The following CASP2 variants were observed in gnomAD, a reference collection of about 807,000 sequenced individuals.
The protein encoded by CASP2 is caspase 2.
A neutral mutation model predicts 54.4 loss-of-function variants in CASP2; 38 were observed. That is an observed-to-expected ratio of 0.70 (90% CI 0.54 to 0.92). CASP2 has a LOEUF of 0.92. Among genes scored for constraint, CASP2 ranks in the 40% least tolerant of loss-of-function variants. CASP2 has a pLI of 0.00. For synonymous variants in CASP2, 215 were observed against 216.3 expected (o/e 0.99, Z 0.05); for missense variants, 512 against 579.6 (o/e 0.88, Z 1.20).
chr7:143,291,441 G>A (rs1470529401), intron 1 of CASP2, 99 bp from the exon 2 acceptor site: 4 of 1,187,570 alleles, frequency 3.4e-6, no homozygotes, highest in Admixed American at 1.7e-5. Context: ...GTTATTGTAA[G>A]TCTTATTCTT....
intron 4 of CASP2, among the ~76,000 whole-genome samples, chr7:143,293,475 C>A (rs189490832): frequency 1.3e-5 from 2 of 151,148 alleles, no homozygotes; most frequent in East Asian, 3.9e-4. Flanking sequence ...TTGTTAAGGG[C>A]TAGTAGGACA....
At position 143,294,600 on chromosome 7, in the gene CASP2, T is replaced by C. The variant is rs775389352; in HGVS notation, c.574T>C (p.Tyr192His). Residue 192 changes from tyrosine to histidine, a missense_variant, in exon 6 of 11, where the codon TAT becomes CAT. Physicochemically the swap from Tyr to His is moderately conservative, Grantham distance 83. Around this residue, in one of 3 missense-constraint regions of CASP2, gnomAD observed 417 missense variants for 495.4 expected, o/e 0.84. Coordinates refer to ENST00000310447, the MANE Select transcript of CASP2 (RefSeq NM_032982.4). ...EFYQTHFQLA[Y>H]RLQSRPRGLA... ...CTAACTGGCCTCTCCTCCACAGGCA[T>C]ATAGGTTGCAGTCTCGGCCTCGTGG... 2.5e-6 allele frequency: 4 copies of C among 1,613,948 alleles called. No homozygotes were observed. In the Admixed American group the frequency reaches 6.7e-5, roughly 27 times the overall value.
intron 8 of CASP2, chr7:143,302,175 A>G (rs1469968417): frequency 1.3e-5 from 2 of 152,194 alleles, no homozygotes; most frequent in Non-Finnish European, 1.5e-5. Flanking sequence ...CTGTGATATA[A>G]AGGTGAGAGA....
intron 6 of CASP2, among the ~76,000 whole-genome samples, chr7:143,295,463 T>C (rs1329677052): frequency 2.0e-5 from 3 of 152,250 alleles, no homozygotes; most frequent in Admixed American, 1.3e-4. Context: ...CACAACTGAC[T>C]TTGTGACCTT....
intron 6 of CASP2, among the ~76,000 whole-genome samples, chr7:143,296,079 T>A (rs1045511450): frequency 2.6e-5 from 4 of 152,202 alleles, no homozygotes; most frequent in African/African-American, 4.8e-5. Context: ...TAAAGGATCT[T>A]ACATGTCTAA....
chr7:143,293,135 G>C, intron 4 of CASP2: 1 of 582,664 alleles, frequency 1.7e-6, no homozygotes, highest in South Asian at 2.1e-5. Flanking sequence ...TTTTTGTTGT[G>C]TTTTTTTTCA....
intron 6 of CASP2, among the ~76,000 whole-genome samples, chr7:143,299,074 C>G (rs930007122): frequency 6.6e-6 from 1 of 151,998 alleles, no homozygotes; most frequent in Non-Finnish European, 1.5e-5. Context: ...ATCCCTCCAC[C>G]GTAGCCTTTA....
Position 143,307,276 on chromosome 7 carries a change from G to C in CASP2, c.*2205G>C, listed in dbSNP as rs1802091045. 6.6e-6 allele frequency: 1 copy of C among 152,204 alleles called. No homozygotes were observed. Among genetic ancestry groups the C allele is most frequent in the Non-Finnish European group, 1.5e-5 (1 of 68,034 alleles). The allele number at this position is 152,204 out of a possible 1,614,324, so 9.4% of individuals were successfully genotyped here. On this transcript the variant is annotated 3_prime_UTR_variant, in exon 11 of 11. Coordinates refer to ENST00000310447, the MANE Select transcript of CASP2 (RefSeq NM_032982.4). ...TTCACCATCATGTACCAAGTGCTTG[G>C]CACATAGTGGGCCTTCATTAAATGT...
intron 6 of CASP2, among the ~76,000 whole-genome samples, chr7:143,296,698 A>T (rs1801762924): frequency 6.6e-6 from 1 of 151,832 alleles, no homozygotes. Context: ...CAACTCGTTT[A>T]TCATATAGCT....
intron 8 of CASP2, chr7:143,302,500 C>G (rs148778663): frequency 6.6e-6 from 1 of 152,182 alleles, no homozygotes; most frequent in African/African-American, 2.4e-5. Context: ...CCCCAGTCAG[C>G]TTCTAAACTG....
At chr7:143,294,805 T>C (rs1801694152) in intron 6 of CASP2, 32 bp downstream of exon 6, 1 of 1,577,314 alleles carries the variant, frequency 6.3e-7, no homozygotes, top group Non-Finnish European at 8.7e-7. Flanking sequence ...GACATGTAAA[T>C]TAGAGGACTG....
intron 8 of CASP2, chr7:143,300,728 G>A (rs1434000571): frequency 4.2e-6 from 5 of 1,191,344 alleles, no homozygotes; most frequent in Non-Finnish European, 4.2e-6. Context: ...ATACTTCCCT[G>A]TTTACCTACA....
chr7:143,304,812 G>A (rs1802019667), intron 10 of CASP2, 29 bp downstream of exon 10: 1 of 1,606,464 alleles, frequency 6.2e-7, no homozygotes. Flanking sequence ...TGACCCCTGT[G>A]TGTCTCCACA....
chr7:143,302,026 G>A (rs966497719), intron 8 of CASP2: 3 of 152,244 alleles, frequency 2.0e-5, no homozygotes, highest in Non-Finnish European at 4.4e-5. Context: ...CCAGGGCACT[G>A]CCTGATGCAT....
chr7:143,294,034 G>A (rs1447027251), intron 4 of CASP2, among the ~76,000 whole-genome samples, 196 bp from the exon 5 acceptor site: 1 of 152,212 alleles, frequency 6.6e-6, no homozygotes, highest in Non-Finnish European at 1.5e-5. Flanking sequence ...TATGCTTCAT[G>A]CAGGCTATGT....
chr7:143,296,415 T>G (rs188046285), intron 6 of CASP2, among the ~76,000 whole-genome samples: 26 of 152,104 alleles, frequency 1.7e-4, no homozygotes, highest in Admixed American at 1.5e-3. Context: ...CAAACAAGAT[T>G]AGAGAAAAAA....
chr7:143,290,468 C>T (rs1160096395), intron 1 of CASP2: 1 of 152,184 alleles, frequency 6.6e-6, no homozygotes, highest in Non-Finnish European at 1.5e-5. Context: ...GCCACCCTTC[C>T]TGCTGTTACA....
At chr7:143,303,624 T>G in intron 8 of CASP2, 160 bp from the exon 9 acceptor site, 2 of 509,156 alleles carry the variant, frequency 3.9e-6, no homozygotes, top group Non-Finnish European at 3.5e-6. Context: ...AGTAATAATT[T>G]TTTTTTTTTT....
In CASP2 at chr7:143,305,056, A is replaced by C; in HGVS notation, c.1344A>C (p.Gly448=). 1 of 1,614,188 alleles carries C rather than the reference A, an allele frequency of 6.2e-7. No homozygotes were observed. The highest frequency in any genetic ancestry group is 8.5e-7 in the Non-Finnish European group (1 of 1,180,020). Residue 448 remains glycine, a synonymous_variant, in exon 11 of 11, where the codon GGA becomes GGC. Coordinates refer to ENST00000310447, the MANE Select transcript of CASP2 (RefSeq NM_032982.4). The part of the protein sequence containing the change: ...TLCRHLYLFP[G]HPPT ...GCCGCCACCTCTACCTGTTCCCAGG[A>C]CACCCTCCCACATGATGTCACCTCC...
Sources: allele counts gnomAD v4.1 joint callset (sites outside exome capture counted in the v4.1 genomes callset), GRCh38; gene constraint gnomAD v4.1.1; regional missense constraint gnomAD v4.1.1; transcripts MANE v1.5; gene names NCBI Gene and HGNC (gene_info 2026-07-23, HGNC 2026-07-21).